HESX1: variants seen among roughly 807,000 people sequenced by gnomAD.
HESX1 encodes the protein homeobox expressed in ES cells 1.
Under a neutral mutation model 22.5 loss-of-function variants are expected in HESX1, and 11 were observed. That is an observed-to-expected ratio of 0.49 (90% confidence interval 0.31 to 0.81). HESX1 has a LOEUF of 0.81. Ranked by LOEUF, HESX1 falls within the 30% of genes least tolerant of loss-of-function variation. The probability of loss-of-function intolerance (pLI) is 0.05; values close to 1 mark genes in which losing one functional copy is unlikely to be tolerated. For synonymous variants in HESX1, 74 were observed against 76.5 expected, an observed-to-expected ratio of 0.97 and a Z score of 0.17; for missense variants, 201 against 212.6, an observed-to-expected ratio of 0.95 and a Z score of 0.34.
intron 1 of HESX1, among the ~76,000 whole-genome samples, chr3:57,220,114 G>A (rs772846197): frequency 1.2e-4 from 18 of 152,130 alleles, no homozygotes; most frequent in Admixed American, 6.5e-4. Flanking sequence ...CCTATTGCTC[G>A]TTTTTGTCAG....
intron 2 of HESX1, 81 bp from the exon 3 acceptor site, chr3:57,198,573 C>T: frequency 9.4e-7 from 1 of 1,064,934 alleles, no homozygotes; most frequent in South Asian, 1.3e-5. Context: ...ACATTTAAAT[C>T]TTGGCAATTA....
exon 1 of HESX1, chr3:57,226,423 C>G (rs1357523297): frequency 1.3e-5 from 2 of 152,104 alleles, no homozygotes; most frequent in African/African-American, 2.4e-5. Flanking sequence ...GAACTGCCTC[C>G]AAATCAACTT....
At chr3:57,209,671 C>CAAAA (rs71088042) in intron 1 of HESX1, among the ~76,000 whole-genome samples, 117 of 81,944 alleles carry the variant, frequency 1.4e-3, no homozygotes, top group East Asian at 2.0e-3. Context: ...AGCTCCATCT[C>CAAAA]AAAAAAAAAA....
At chr3:57,225,866 C>G (rs1411345113) in intron 1 of HESX1, among the ~76,000 whole-genome samples, 4 of 138,192 alleles carry the variant, frequency 2.9e-5, no homozygotes, top group Non-Finnish European at 6.5e-5. Context: ...GTAACAAATA[C>G]TTTTCTTTTC....
chr3:57,212,128 AAGAGT>A (rs1254606737), intron 1 of HESX1, among the ~76,000 whole-genome samples: 2 of 152,206 alleles, frequency 1.3e-5, no homozygotes, highest in African/African-American at 4.8e-5. Flanking sequence ...CAAATCTCAA[AAGAGT>A]AAAGTATTAT....
At chr3:57,219,371 TTTTC>T (rs2060601822) in intron 1 of HESX1, among the ~76,000 whole-genome samples, 1 of 152,058 alleles carries the variant, frequency 6.6e-6, no homozygotes. Flanking sequence ...TTTGCCCACT[TTTTC>T]TTTTTTTTTT....
chr3:57,205,787 C>T (rs1171385342), intron 1 of HESX1, among the ~76,000 whole-genome samples: 3 of 152,168 alleles, frequency 2.0e-5, no homozygotes, highest in South Asian at 2.1e-4. Flanking sequence ...ATTTCTATTC[C>T]ACAGCACTTA....
chr3:57,200,042 G>A (rs181685516), upstream of HESX1: 32 of 805,858 alleles, frequency 4.0e-5, no homozygotes, highest in African/African-American at 4.4e-4. Flanking sequence ...GATTTAGAAC[G>A]TCACTAATTA....
chr3:57,214,222 G>T (rs1579361892), intron 1 of HESX1, among the ~76,000 whole-genome samples: 2 of 152,310 alleles, frequency 1.3e-5, no homozygotes, highest in South Asian at 2.1e-4. Context: ...ATTGAGGCAG[G>T]TATTGCAAAA....
chr3:57,200,842 G>C (rs1384744471), upstream of HESX1, among the ~76,000 whole-genome samples: 2 of 152,174 alleles, frequency 1.3e-5, no homozygotes, highest in East Asian at 1.9e-4. Context: ...GATGGGCAGA[G>C]GATGGAGTCT....
At position 57,198,089 on chromosome 3, in the gene HESX1, A is replaced by C. The variant is rs2060458274; in HGVS notation, c.*108T>G. ...ATATATTTTCAGAAAAAATGACAAT[A>C]TTCAGATTAAATGCAGGAAAGAAAA... On this transcript the variant is annotated 3_prime_UTR_variant, in exon 4 of 4. Coordinates refer to ENST00000295934, the MANE Select transcript of HESX1 (RefSeq NM_003865.3). 2 of 781,616 alleles carry C rather than the reference A, an allele frequency of 2.6e-6. No homozygotes were observed. The highest frequency in any genetic ancestry group is 3.1e-5 in the South Asian group (2 of 65,032). The allele number at this position is 781,616 out of a possible 1,614,324, so 48.4% of individuals were successfully genotyped here.
chr3:57,198,922 G>A lies in HESX1; in HGVS notation c.188C>T (p.Pro63Leu), dbSNP rs2060465826. 2.5e-6 allele frequency: 4 copies of A among 1,613,926 alleles called. No homozygotes were observed. The South Asian group carries it at 4.4e-5, about 18-fold the overall frequency. The change falls in exon 2 of 4, where the codon CCA becomes CTA. Residue 63 changes from proline (P) to leucine (L), a missense_variant. Transcript: ENST00000295934. ...GAATGAAATCCCACTGGGAGGATTT[G>A]GGACATGTAGACATAAGTTACCATC... Reference protein sequence around the residue: ...GKDGNLCLHVPNPPSGISFPS... With the variant: ...GKDGNLCLHVLNPPSGISFPS...
At chr3:57,202,478 C>T (rs906709084), upstream of HESX1, among the ~76,000 whole-genome samples, 5 of 152,050 alleles carry the variant, frequency 3.3e-5, no homozygotes, top group Admixed American at 6.6e-5. Context: ...TGGGATTACA[C>T]GTGTGCACCA....
upstream of HESX1, among the ~76,000 whole-genome samples, chr3:57,203,289 A>G (rs917107147): frequency 1.3e-5 from 2 of 152,102 alleles, no homozygotes; most frequent in African/African-American, 2.4e-5. Context: ...AAACAAAGAC[A>G]ATTGTTTAGC....
In HESX1 at chr3:57,198,400, G is replaced by T; in HGVS notation, c.450C>A (p.Asp150Glu). The change falls in exon 3 of 4, where the codon GAC becomes GAA. Residue 150 changes from aspartate to glutamate, a missense_variant. Asp to Glu is a conservative substitution (Grantham distance 45, BLOSUM62 2). Coordinates refer to ENST00000295934, the MANE Select transcript of HESX1 (RefSeq NM_003865.3). ...DLAQKLNLEEDRIQIWFQNRR... is the reference protein window; with the variant it reads ...DLAQKLNLEEERIQIWFQNRR... ...TAAATTTGAAAATTACCTGGATTCT[G>T]TCTTCCTCTAGATTCAATTTTTGAG... 6.3e-7 allele frequency: 1 copy of T among 1,594,018 alleles called. No homozygotes were observed. Among genetic ancestry groups the T allele is most frequent in the Non-Finnish European group, 8.6e-7 (1 of 1,162,180 alleles).
At chr3:57,217,074 A>G (rs1270265971) in intron 1 of HESX1, among the ~76,000 whole-genome samples, 1 of 152,094 alleles carries the variant, frequency 6.6e-6, no homozygotes, top group Non-Finnish European at 1.5e-5. Context: ...TGTCCCAGGT[A>G]CATCTTGTTC....
intron 1 of HESX1, among the ~76,000 whole-genome samples, chr3:57,209,368 G>A (rs779215921): frequency 5.3e-5 from 8 of 152,100 alleles, no homozygotes; most frequent in Non-Finnish European, 1.0e-4. Context: ...ATGATAGGCC[G>A]GGCGCAGTGG....
At chr3:57,200,115 GTTAA>G (rs886058754), upstream of HESX1, 38 of 585,772 alleles carry the variant, frequency 6.5e-5, no homozygotes, top group South Asian at 1.9e-4. Flanking sequence ...AGCTTAAGGA[GTTAA>G]TTGTTTATTT....
rs2060467199 is a variant in HESX1 at position 57,199,090 on chromosome 3, C to A, written c.158-138G>T. 8.0e-6 allele frequency: 6 copies of A among 750,988 alleles called. No individual in the cohort carries two copies. In the East Asian group the frequency reaches 1.5e-4, roughly 19 times the overall value. 46.5% of individuals were successfully genotyped at this position (750,988 alleles called of 1,614,324 possible). A position where few individuals can be genotyped will look rare whatever the true frequency, so the allele number is the denominator to read the frequency against. On this transcript the variant is annotated intron_variant, in intron 1 of 3. Coordinates refer to ENST00000295934, the MANE Select transcript of HESX1 (RefSeq NM_003865.3). ...CACAAGAGAATTGCACCCCGTTAAC[C>A]AAAAACCAATAAAAAATGAAGATCC...
Sources: allele counts gnomAD v4.1 joint callset (sites outside exome capture counted in the v4.1 genomes callset), GRCh38; gene constraint gnomAD v4.1.1; transcripts MANE v1.5; gene names NCBI Gene and HGNC (gene_info 2026-07-23, HGNC 2026-07-21).